TAFA2: variants seen among roughly 807,000 people sequenced by gnomAD.
The protein encoded by TAFA2 is chemokine-like protein TAFA-2.
A neutral mutation model predicts 18.8 loss-of-function variants in TAFA2; 7 were observed. That is an observed-to-expected ratio of 0.37 (90% CI 0.21 to 0.70). The LOEUF (loss-of-function observed/expected upper bound fraction) is 0.70, where lower values mean the gene tolerates loss of function less well. Ranked by LOEUF, TAFA2 falls within the 30% of genes least tolerant of loss-of-function variation. The pLI, the probability that TAFA2 is intolerant of heterozygous loss-of-function variation, is 0.53. For synonymous variants in TAFA2, 60 were observed against 54.2 expected, an observed-to-expected ratio of 1.11 and a Z score of -0.47; for missense variants, 122 against 158.1, an observed-to-expected ratio of 0.77 and a Z score of 1.23.
chr12:61,971,315 A>G (rs999677449), intron 1 of TAFA2, among the ~76,000 whole-genome samples: 5 of 151,716 alleles, frequency 3.3e-5, no homozygotes, highest in African/African-American at 9.7e-5. Context: ...CTCTTATGGT[A>G]AGAGAACTTA....
chr12:61,779,834 C>T (rs761131504), intron 2 of TAFA2, among the ~76,000 whole-genome samples: 25 of 151,846 alleles, frequency 1.6e-4, no homozygotes, highest in African/African-American at 5.8e-4. Context: ...TCTCAGGAAG[C>T]AAAATTGCTG....
At chr12:62,004,279 G>C (rs1230331915) in intron 1 of TAFA2, among the ~76,000 whole-genome samples, 2 of 152,238 alleles carry the variant, frequency 1.3e-5, no homozygotes, top group South Asian at 4.1e-4. Flanking sequence ...TTTAAGAAAT[G>C]AGGTATTTGT....
intron 4 of TAFA2, among the ~76,000 whole-genome samples, chr12:61,732,968 T>A (rs1443366716): frequency 6.6e-6 from 1 of 152,080 alleles, no homozygotes; most frequent in Admixed American, 6.6e-5. Flanking sequence ...ACACTCAATC[T>A]ATTCAGCTGC....
chr12:61,987,342 C>T (rs1462939133), intron 1 of TAFA2, among the ~76,000 whole-genome samples: 1 of 152,158 alleles, frequency 6.6e-6, no homozygotes, highest in Non-Finnish European at 1.5e-5. Context: ...CACATCTCTG[C>T]CTGCTTTTCA....
At chr12:61,891,400 A>G (rs1448532761) in intron 1 of TAFA2, among the ~76,000 whole-genome samples, 2 of 152,164 alleles carry the variant, frequency 1.3e-5, no homozygotes, top group South Asian at 2.1e-4. Context: ...TAATCCCAAC[A>G]GTTTGGGAGG....
chr12:61,947,238 A>G (rs933796486), intron 1 of TAFA2, among the ~76,000 whole-genome samples: 2 of 146,526 alleles, frequency 1.4e-5, no homozygotes, highest in African/African-American at 5.0e-5. Flanking sequence ...ATTCTCACTC[A>G]TAGGTGGGAA....
chr12:61,714,599 T>A (rs1373296496), intron 4 of TAFA2, among the ~76,000 whole-genome samples: 1 of 152,140 alleles, frequency 6.6e-6, no homozygotes, highest in Non-Finnish European at 1.5e-5. Context: ...ATTGAGAAAA[T>A]AAAACCTGGT....
At chr12:61,947,859 A>T (rs1368850657) in intron 1 of TAFA2, among the ~76,000 whole-genome samples, 1 of 152,158 alleles carries the variant, frequency 6.6e-6, no homozygotes, top group African/African-American at 2.4e-5. Context: ...AAATCCTGAA[A>T]CAGTAAGCCT....
At chr12:61,847,909 A>T (rs1873472213) in intron 2 of TAFA2, among the ~76,000 whole-genome samples, 1 of 152,230 alleles carries the variant, frequency 6.6e-6, no homozygotes. Flanking sequence ...TTAAAAGGGC[A>T]TGCCAACATG....
chr12:62,041,706 T>C (rs1172336141), intron 1 of TAFA2, among the ~76,000 whole-genome samples: 1 of 152,096 alleles, frequency 6.6e-6, no homozygotes, highest in South Asian at 2.1e-4. Flanking sequence ...GAGTAAAAAA[T>C]CATCAAGACA....
intron 1 of TAFA2, among the ~76,000 whole-genome samples, chr12:62,175,519 C>G (rs2062506596): frequency 6.6e-6 from 1 of 152,118 alleles, no homozygotes; most frequent in African/African-American, 2.4e-5. Flanking sequence ...CTTCACATTT[C>G]TCTTTTTTTT....
intron 1 of TAFA2, among the ~76,000 whole-genome samples, chr12:61,871,992 T>C (rs1412041895): frequency 6.6e-6 from 1 of 152,108 alleles, no homozygotes; most frequent in Non-Finnish European, 1.5e-5. Flanking sequence ...CTCGGGAGGC[T>C]GAGGCAGGAG....
At chr12:61,763,692 A>G (rs1869660752) in intron 2 of TAFA2, among the ~76,000 whole-genome samples, 1 of 151,930 alleles carries the variant, frequency 6.6e-6, no homozygotes, top group Non-Finnish European at 1.5e-5. Context: ...GTCTGGTATC[A>G]GGAGTCAGGT....
chr12:62,130,715 T>G (rs1592354891), intron 1 of TAFA2, among the ~76,000 whole-genome samples: 1 of 152,018 alleles, frequency 6.6e-6, no homozygotes, highest in East Asian at 1.9e-4. Context: ...AATGGTCTTC[T>G]CTAAGTGATA....
intron 1 of TAFA2, among the ~76,000 whole-genome samples, chr12:62,023,151 G>A (rs1159348394): frequency 6.6e-6 from 1 of 152,080 alleles, no homozygotes; most frequent in Non-Finnish European, 1.5e-5. Context: ...GCCAAGGATT[G>A]GTATTTCGGC....
intron 1 of TAFA2, among the ~76,000 whole-genome samples, chr12:62,150,767 A>G (rs747574322): frequency 8.6e-5 from 13 of 151,972 alleles, no homozygotes; most frequent in African/African-American, 2.9e-4. Context: ...TTCGCCAGGC[A>G]TGGTGGTGTG....
intron 2 of TAFA2, among the ~76,000 whole-genome samples, chr12:61,805,431 C>CAATATATTTAT (rs1395047730): frequency 6.6e-6 from 1 of 151,914 alleles, no homozygotes; most frequent in Non-Finnish European, 1.5e-5. Context: ...ACTATATTTA[C>CAATATATTTAT]AATATATTTA....
chr12:61,777,053 G>A lies in TAFA2; in HGVS notation c.107-22029C>T, dbSNP rs74095443. 4.2e-3 allele frequency among the ~76,000 whole-genome samples: 644 copies of A among 151,952 alleles called. 7 individuals carry two copies. The highest frequency in any genetic ancestry group is 0.015 in the African/African-American group (631 of 41,496). ...TTTCTTGAAAAGATCCCTGGTGTTA[G>A]TTTGTTCTTTTGGTAATTTGCCTTT... On this transcript the variant is annotated intron_variant, in intron 2 of 4. Transcript: ENST00000416284.
At chr12:62,018,734 T>C (rs1367216649) in intron 1 of TAFA2, among the ~76,000 whole-genome samples, 2 of 152,154 alleles carry the variant, frequency 1.3e-5, no homozygotes, top group East Asian at 3.8e-4. Context: ...GAAGAAAACC[T>C]AGGCAATACC....
Sources: gnomAD v4.1 joint callset for allele counts (sites outside exome capture counted in the v4.1 genomes callset) on GRCh38, gnomAD v4.1.1 for gene constraint, MANE v1.5 for transcripts, NCBI Gene and HGNC (gene_info 2026-07-23, HGNC 2026-07-21) for gene names.